HDAC8: variants seen among roughly 807,000 people sequenced by gnomAD.
The protein encoded by HDAC8 is histone deacetylase 8, also known as histone deacetylase-like 1.
HDAC8 carries 1 observed loss-of-function variant against 32.2 expected under a neutral mutation model. The ratio of observed to expected loss-of-function variants is 0.03; its 90% CI spans 0.01 to 0.15. The LOEUF (loss-of-function observed/expected upper bound fraction) is 0.15. Ranked by LOEUF, HDAC8 falls within the 10% of genes least tolerant of loss-of-function variation. The pLI is 1.00. For missense variants in HDAC8, 117 were observed against 300.0 expected, an observed-to-expected ratio of 0.39 and a Z score of 4.51; for synonymous variants, 108 against 113.9, an observed-to-expected ratio of 0.95 and a Z score of 0.33.
intron 4 of HDAC8, among the ~76,000 whole-genome samples, chrX:72,550,993 G>A (rs1778261897): frequency 1.8e-5 from 2 of 108,982 alleles, no homozygotes; most frequent in African/African-American, 6.7e-5. Flanking sequence ...GGATCGTCAG[G>A]TATATCAGTT....
chrX:72,417,765 A>C (rs1555972272), intron 9 of HDAC8, among the ~76,000 whole-genome samples: 1 of 111,989 alleles, frequency 8.9e-6, no homozygotes, highest in African/African-American at 3.2e-5. Flanking sequence ...AGCCAAAGCA[A>C]TCCTAAGCCA....
chrX:72,476,695 G>C (rs2048345696), intron 7 of HDAC8, among the ~76,000 whole-genome samples: 1 of 111,797 alleles, frequency 8.9e-6, no homozygotes, highest in Non-Finnish European at 1.9e-5. Flanking sequence ...GGGTTATTGT[G>C]AGGATTAAAT....
intron 4 of HDAC8, among the ~76,000 whole-genome samples, chrX:72,567,335 G>A (rs782492049): frequency 8.1e-5 from 9 of 111,437 alleles, no homozygotes; most frequent in South Asian, 3.8e-4. Flanking sequence ...ACCTATTAGC[G>A]TCAATTTTCC....
At chrX:72,404,622 A>AT (rs1555968310) in intron 9 of HDAC8, among the ~76,000 whole-genome samples, 1 of 110,448 alleles carries the variant, frequency 9.1e-6, no homozygotes, top group African/African-American at 3.3e-5. Flanking sequence ...AAAATGTTTT[A>AT]TTTTGCCTTT....
intron 9 of HDAC8, among the ~76,000 whole-genome samples, chrX:72,451,228 G>T (rs2047562805): frequency 9.4e-6 from 1 of 106,633 alleles, no homozygotes; most frequent in Admixed American, 1.0e-4. Context: ...ACAGAGTCTT[G>T]CATTGTTGCC....
chrX:72,525,182 G>A (rs1393824217), intron 4 of HDAC8, among the ~76,000 whole-genome samples: 1 of 112,297 alleles, frequency 8.9e-6, no homozygotes, highest in Non-Finnish European at 1.9e-5. Flanking sequence ...AGGTTGGTCT[G>A]TCTACCCCAT....
chrX:72,477,981 CCCAAA>C (rs2048385108), intron 7 of HDAC8, among the ~76,000 whole-genome samples: 1 of 112,124 alleles, frequency 8.9e-6, no homozygotes, highest in African/African-American at 3.2e-5. Context: ...TCCTGGAAAT[CCCAAA>C]CCAATCAAGT....
At chrX:72,416,899 A>G (rs1555971994) in intron 9 of HDAC8, among the ~76,000 whole-genome samples, 1 of 111,100 alleles carries the variant, frequency 9.0e-6, no homozygotes, top group African/African-American at 3.3e-5. Flanking sequence ...GTCAGAAAAT[A>G]CACACTGTAT....
chrX:72,562,651 C>T (rs1256633293), intron 4 of HDAC8, among the ~76,000 whole-genome samples: 1 of 109,452 alleles, frequency 9.1e-6, no homozygotes, highest in South Asian at 4.0e-4. Flanking sequence ...TAACCAAACG[C>T]CACCTGTTCT....
At chrX:72,377,189 A>G (rs1207108673) in intron 9 of HDAC8, 1 of 112,170 alleles carries the variant, frequency 8.9e-6, no homozygotes, top group African/African-American at 3.2e-5. Flanking sequence ...TCTTCAACCT[A>G]TTTGTATTAG....
At chrX:72,566,518 T>C (rs1468939198) in intron 4 of HDAC8, among the ~76,000 whole-genome samples, 2 of 112,167 alleles carry the variant, frequency 1.8e-5, no homozygotes, top group Non-Finnish European at 3.8e-5. Context: ...GTCAATTTGA[T>C]GGAAAAAATT....
At chrX:72,534,315 A>ATTTT (rs1389411819) in intron 4 of HDAC8, among the ~76,000 whole-genome samples, 1 of 94,033 alleles carries the variant, frequency 1.1e-5, no homozygotes, top group Non-Finnish European at 2.1e-5. Flanking sequence ...ATATATATAT[A>ATTTT]TTTTTTTTTT....
rs188557346 is a variant in HDAC8, at chrX:72,405,309, C to T, written c.1006-53471G>A. Among the ~76,000 whole-genome samples, 19 of 112,447 alleles carry T rather than the reference C, an allele frequency of 1.7e-4. No individual in the cohort carries two copies. In the East Asian group the frequency reaches 3.9e-3, roughly 23 times the overall value. On this transcript the variant is annotated intron_variant, in intron 9 of 10. Coordinates refer to ENST00000373573, the MANE Select transcript of HDAC8 (RefSeq NM_018486.3). ...TCCATGTCCCTGCAAAGGGCATGAT[C>T]TCTTCTTTTTTATAGCTGCATAGTA...
At position 72,567,975 on chromosome X, in the gene HDAC8, C is replaced by A. The variant is rs199969298; in HGVS notation, c.351G>T (p.Gly117=). 509 of 1,209,695 alleles carry A rather than the reference C, an allele frequency of 4.2e-4. No individual in the cohort carries two copies. The highest frequency in any genetic ancestry group is 9.1e-4 in the Middle Eastern group (4 of 4,374). ...GGCATTGGGCAGCTGTGATCGTAGC[C>A]CCTCCTATAGCTGCTGCATAGTCAA... ...GIFDYAAAIG[G]ATITAAQCLI... The change falls in exon 4 of 11, where the codon GGG becomes GGT. Residue 117 remains glycine (G), a synonymous_variant. Coordinates refer to ENST00000373573, the MANE Select transcript of HDAC8 (RefSeq NM_018486.3).
chrX:72,444,578 C>T (rs373314525), intron 9 of HDAC8, among the ~76,000 whole-genome samples: 4 of 100,897 alleles, frequency 4.0e-5, no homozygotes, highest in African/African-American at 1.4e-4. Flanking sequence ...CAGCCAATAT[C>T]ATACTGAATG....
chrX:72,449,772 T>C (rs1227913614), intron 9 of HDAC8, among the ~76,000 whole-genome samples: 1 of 111,416 alleles, frequency 9.0e-6, no homozygotes, highest in African/African-American at 3.3e-5. Flanking sequence ...TGTAATGATA[T>C]AGGGACATTT....
chrX:72,421,889 C>T (rs924317143), intron 9 of HDAC8, among the ~76,000 whole-genome samples: 3 of 111,996 alleles, frequency 2.7e-5, no homozygotes, highest in Admixed American at 9.4e-5. Context: ...GAATGTCTTA[C>T]ATTTTCACTC....
At chrX:72,483,627 A>G (rs1360631763) in intron 7 of HDAC8, among the ~76,000 whole-genome samples, 3 of 111,127 alleles carry the variant, frequency 2.7e-5, no homozygotes, top group Non-Finnish European at 5.7e-5. Context: ...ACAGACTAAC[A>G]CACCTTATAA....
intron 4 of HDAC8, among the ~76,000 whole-genome samples, chrX:72,513,060 A>G (rs1385451152): frequency 9.0e-6 from 1 of 111,104 alleles, no homozygotes; most frequent in South Asian, 3.8e-4. Flanking sequence ...ATGAACTCCT[A>G]CTCATCCTTT....
Sources: gnomAD v4.1 joint callset for allele counts (sites outside exome capture counted in the v4.1 genomes callset) on GRCh38, gnomAD v4.1.1 for gene constraint, MANE v1.5 for transcripts, NCBI Gene and HGNC (gene_info 2026-07-23, HGNC 2026-07-21) for gene names.